Variants in TIA1 observed in about 807,000 individuals in gnomAD.
The protein encoded by TIA1 is TIA1 cytotoxic granule associated RNA binding protein.
Under a neutral mutation model 65.9 loss-of-function variants are expected in TIA1, and 23 were observed. That is an observed-to-expected ratio of 0.35 (90% CI 0.25 to 0.49). The LOEUF (loss-of-function observed/expected upper bound fraction) is 0.49. TIA1 is among the 20% of genes least tolerant of loss of function. The pLI is 0.98. For synonymous variants in TIA1, 147 were observed against 149.4 expected (o/e 0.98, Z 0.12); for missense variants, 371 against 477.9 (o/e 0.78, Z 2.09).
intron 7 of TIA1, among the ~76,000 whole-genome samples, chr2:70,217,865 C>T (rs540879896): frequency 1.3e-5 from 2 of 152,190 alleles, no homozygotes; most frequent in South Asian, 4.2e-4. Context: ...GTCGTGAGCC[C>T]GACAGCCCTA....
intron 5 of TIA1, 138 bp downstream of exon 5, chr2:70,228,921 A>T (rs934684884): frequency 4.8e-6 from 7 of 1,462,798 alleles, no homozygotes; most frequent in Admixed American, 2.5e-5. Flanking sequence ...GAGAAGGGAG[A>T]AAAGTATTGC....
chr2:70,218,403 C>G (rs72841146), intron 7 of TIA1, among the ~76,000 whole-genome samples: 9,356 of 152,206 alleles, frequency 0.061, 364 homozygotes, highest in East Asian at 0.18. Flanking sequence ...AGATTTTAAG[C>G]AAGGAATCAT....
intron 3 of TIA1, 83 bp downstream of exon 3, chr2:70,230,667 AGTGTTT>A: frequency 1.9e-6 from 2 of 1,036,990 alleles, no homozygotes; most frequent in South Asian, 1.7e-5. Context: ...AAAAAAAAAA[AGTGTTT>A]AATGTTTCTA....
chr2:70,227,780 G>A lies in TIA1; in HGVS notation c.353C>T (p.Thr118Ile). The change falls in exon 6 of 13, where the codon ACA becomes ATA. Residue 118 changes from threonine (T) to isoleucine (I), a missense_variant. Transcript: ENST00000433529. The part of the protein sequence containing the change: ...VFVGDLSPEI[T>I]TEDIKAAFAP... ...AAAAGCAGCTTTTATATCTTCAGTT[G>A]TAATTTCTGGGCTGAGATCACCAAC... 1 of 1,597,134 alleles carries A rather than the reference G, an allele frequency of 6.3e-7. No individual in the cohort carries two copies. The highest frequency in any genetic ancestry group is 1.3e-5 in the African/African-American group (1 of 74,718).
At chr2:70,219,636 G>GT (rs200214933) in intron 7 of TIA1, among the ~76,000 whole-genome samples, 4,023 of 149,448 alleles carry the variant, frequency 0.027, 53 homozygotes, top group Non-Finnish European at 0.041. Context: ...AAGGTTGGCT[G>GT]TTTTTTTTAT....
intron 2 of TIA1, 46 bp downstream of exon 2, chr2:70,236,033 G>A: frequency 8.5e-7 from 1 of 1,170,036 alleles, no homozygotes; most frequent in Non-Finnish European, 1.2e-6. Context: ...TTTAAGTAAT[G>A]TGTAAAAAAA....
At chr2:70,231,279 GCGA>G (rs1008872858) in intron 2 of TIA1, among the ~76,000 whole-genome samples, 41 of 152,210 alleles carry the variant, frequency 2.7e-4, no homozygotes, top group African/African-American at 9.6e-4. Flanking sequence ...TCCAGCCTGG[GCGA>G]CAGAGCAAGA....
chr2:70,241,096 A>C (rs751627410), intron 1 of TIA1, among the ~76,000 whole-genome samples: 12 of 152,172 alleles, frequency 7.9e-5, no homozygotes, highest in Non-Finnish European at 1.6e-4. Flanking sequence ...GAAACCTTAA[A>C]AGGGGAAACA....
chr2:70,218,179 A>C (rs1377002583), intron 7 of TIA1, among the ~76,000 whole-genome samples: 1 of 152,248 alleles, frequency 6.6e-6, no homozygotes, highest in Non-Finnish European at 1.5e-5. Flanking sequence ...AGGATGAATA[A>C]GAAAGGTCTC....
chr2:70,218,249 G>A (rs1037697191), intron 7 of TIA1, among the ~76,000 whole-genome samples: 3 of 152,194 alleles, frequency 2.0e-5, no homozygotes, highest in Non-Finnish European at 4.4e-5. Context: ...TCAAAACAAT[G>A]AGGAAGAAAG....
intron 1 of TIA1, among the ~76,000 whole-genome samples, chr2:70,242,256 G>A (rs113185561): frequency 0.012 from 1,761 of 152,086 alleles, 40 homozygotes; most frequent in African/African-American, 0.04. Context: ...GGATTAGCTG[G>A]GAGCGGTGGC....
At chr2:70,213,961 C>T (rs1677456473) in intron 12 of TIA1, among the ~76,000 whole-genome samples, 1 of 152,164 alleles carries the variant, frequency 6.6e-6, no homozygotes, top group African/African-American at 2.4e-5. Context: ...CCACTAAATT[C>T]CTTTTTAACC....
chr2:70,219,334 G>C (rs773540819), intron 7 of TIA1, among the ~76,000 whole-genome samples: 3 of 152,210 alleles, frequency 2.0e-5, no homozygotes, highest in Non-Finnish European at 4.4e-5. Context: ...TGAAAATAGA[G>C]TAGCATTGGT....
In TIA1 at chr2:70,216,268, G is replaced by A; in HGVS notation, c.704C>T (p.Ser235Leu). The change falls in exon 10 of 13, where the codon TCA becomes TTA. Residue 235 changes from serine (S) to leucine (L), a missense_variant. By Grantham distance (145) the Ser-to-Leu change is moderately radical (BLOSUM62 -2). Transcript: ENST00000433529. ...LTEQLMRQTF[S>L]PFGQIMEIRV... is the part of the protein sequence containing the mutation. ...AATTTCCATTATTTGTCCAAATGGTGAAAAAGTCTGACGCATTAGTTGTTC... is the reference window on the plus strand; with the variant it reads ...AATTTCCATTATTTGTCCAAATGGTAAAAAAGTCTGACGCATTAGTTGTTC... 1 of 1,594,140 alleles carries A rather than the reference G, an allele frequency of 6.3e-7. No individual in the cohort carries two copies. The highest frequency in any genetic ancestry group is 8.5e-7 in the Non-Finnish European group (1 of 1,174,478).
intron 11 of TIA1, 129 bp from the exon 12 acceptor site, chr2:70,214,623 G>C (rs1352105403): frequency 5.1e-6 from 2 of 395,520 alleles, no homozygotes; most frequent in African/African-American, 2.0e-5. Flanking sequence ...ATAAACAAGA[G>C]TTGACTGCTA....
chr2:70,247,330 T>TA (rs1363021640), intron 1 of TIA1, among the ~76,000 whole-genome samples: 1 of 151,896 alleles, frequency 6.6e-6, no homozygotes, highest in Non-Finnish European at 1.5e-5. Flanking sequence ...ATTTTGGAGG[T>TA]AAAAAAACAA....
intron 5 of TIA1, 160 bp downstream of exon 5, chr2:70,228,899 T>C: frequency 6.8e-7 from 1 of 1,462,398 alleles, no homozygotes. Flanking sequence ...CAAGTTATAC[T>C]TGGTCAACAC....
Position 70,216,945 on chromosome 2 carries a change from C to T in TIA1, c.524G>A (p.Arg175Lys). The change falls in exon 8 of 13, where the codon AGA (arginine) becomes AAA (lysine). Residue 175 changes from arginine (R) to lysine (K), a missense_variant. Arg to Lys is a conservative substitution (Grantham distance 26, BLOSUM62 2). Coordinates refer to ENST00000433529, the MANE Select transcript of TIA1 (RefSeq NM_022173.4). The stretch of plus-strand genomic sequence containing the variant: ...GGTTGCCCAGTTAGTTCTGATTTGT[C>T]TTCCACCAAGCCACTGGCCACCCAT... ...QQMGGQWLGG[R>K]QIRTNWATRK... 1 of 1,613,848 alleles carries T rather than the reference C, an allele frequency of 6.2e-7. No individual in the cohort carries two copies. The highest frequency in any genetic ancestry group is 8.5e-7 in the Non-Finnish European group (1 of 1,179,852).
Position 70,227,898 on chromosome 2 carries a change from T to C in TIA1, c.311-76A>G, listed in dbSNP as rs1684494305. On this transcript the variant is annotated intron_variant, in intron 5 of 12. Transcript: ENST00000433529. ...TTAAAAAGTACTAAAATCTATCCAA[T>C]AAAGTATTCTTAAAATGATTATGGC... is the stretch of plus-strand genomic sequence containing the variant. 4 of 951,780 alleles carry C rather than the reference T, an allele frequency of 4.2e-6. No individual in the cohort carries two copies. In the Admixed American group the frequency reaches 8.8e-5, roughly 21 times the overall value. The allele number at this position is 951,780 out of a possible 1,614,324, so 59.0% of individuals were successfully genotyped here. A position where few individuals can be genotyped will look rare whatever the true frequency, so the allele number is the denominator to read the frequency against.
Sources: gnomAD v4.1 joint callset for allele counts (sites outside exome capture counted in the v4.1 genomes callset) on GRCh38, gnomAD v4.1.1 for gene constraint, MANE v1.5 for transcripts, NCBI Gene and HGNC (gene_info 2026-07-23, HGNC 2026-07-21) for gene names.